The following JAK1 variants were observed in gnomAD, a reference collection of about 807,000 sequenced individuals.
The protein encoded by JAK1 is Janus kinase 1, also known as tyrosine-protein kinase JAK1.
In JAK1, 16 loss-of-function variants were observed where a neutral mutation model predicts 136.6. The observed-to-expected ratio is 0.12, with a 90% CI of 0.08 to 0.18. The LOEUF (loss-of-function observed/expected upper bound fraction) is 0.18, where lower values mean the gene tolerates loss of function less well. Ranked by LOEUF, JAK1 falls within the 10% of genes least tolerant of loss-of-function variation. JAK1 has a pLI of 1.00. For missense variants in JAK1, 859 were observed against 1,450.1 expected (o/e 0.59, Z 6.62); for synonymous variants, 492 against 519.5 (o/e 0.95, Z 0.72).
chr1:64,933,179 G>A (rs977183997), intron 1 of JAK1, among the ~76,000 whole-genome samples: 4 of 152,148 alleles, frequency 2.6e-5, no homozygotes, highest in African/African-American at 9.7e-5. Context: ...ATTTACAGAT[G>A]AGCAAAACAA....
chr1:64,856,123 C>G (rs1024692830), intron 10 of JAK1, among the ~76,000 whole-genome samples: 1 of 152,218 alleles, frequency 6.6e-6, no homozygotes, highest in Non-Finnish European at 1.5e-5. Context: ...GATGGCACAA[C>G]TTCTCAAGGA....
In JAK1 at chr1:64,914,625, G is replaced by T. The variant is rs189970694; in HGVS notation, c.-77-28284C>A. Among the ~76,000 whole-genome samples, 37 of 152,264 alleles carry T rather than the reference G, an allele frequency of 2.4e-4. No individual in the cohort carries two copies. In the East Asian group the frequency reaches 5.2e-3, roughly 21 times the overall value. Reference sequence around the variant, plus strand: ...GTCACCCAGGCTGGAGCGCAGTGGCGTGATCTCAGCTCACTGCAACCTCTG... The same window carrying T: ...GTCACCCAGGCTGGAGCGCAGTGGCTTGATCTCAGCTCACTGCAACCTCTG... On this transcript the variant is annotated intron_variant, in intron 1 of 24. Transcript: ENST00000342505.
At chr1:65,033,316 T>C (rs1374651748) in intron 2 of JAK1, among the ~76,000 whole-genome samples, 1 of 152,116 alleles carries the variant, frequency 6.6e-6, no homozygotes, top group Non-Finnish European at 1.5e-5. Context: ...AACATAATAA[T>C]AAAATAATAA....
intron 1 of JAK1, among the ~76,000 whole-genome samples, chr1:64,904,033 A>C (rs1352009554): frequency 6.6e-6 from 1 of 152,232 alleles, no homozygotes; most frequent in Non-Finnish European, 1.5e-5. Flanking sequence ...TCTAACAGGT[A>C]TATATTTGTT....
intron 4 of JAK1, among the ~76,000 whole-genome samples, 187 bp downstream of exon 4, chr1:64,878,838 G>A (rs979537154): frequency 6.6e-6 from 1 of 152,092 alleles, no homozygotes; most frequent in African/African-American, 2.4e-5. Flanking sequence ...AGAGGAAGGT[G>A]ATCAAACTCA....
chr1:64,973,135 AAGAGAAAGAAAG>A (rs1279762174), intron 2 of JAK1: 1 of 151,512 alleles, frequency 6.6e-6, no homozygotes, highest in Non-Finnish European at 1.5e-5. Flanking sequence ...AAGAAAGAAA[AAGAGAAAGAAAG>A]AAAGAAAGGA....
intron 1 of JAK1, among the ~76,000 whole-genome samples, chr1:64,889,394 A>G (rs1410629062): frequency 1.3e-5 from 2 of 152,180 alleles, no homozygotes; most frequent in Non-Finnish European, 2.9e-5. Context: ...ATAGCAGTGA[A>G]TTCTTCCACC....
intron 2 of JAK1, among the ~76,000 whole-genome samples, chr1:65,010,705 G>A (rs1646841201): frequency 6.6e-6 from 1 of 152,190 alleles, no homozygotes; most frequent in Non-Finnish European, 1.5e-5. Context: ...AGGTGGCCAG[G>A]CATGGTGGCT....
At chr1:64,910,826 A>G in intron 1 of JAK1, among the ~76,000 whole-genome samples, 1 of 148,544 alleles carries the variant, frequency 6.7e-6, no homozygotes, top group South Asian at 2.1e-4. Context: ...CCTGGATGAC[A>G]AAGCAAGACT....
chr1:64,858,540 C>T (rs1262233320), intron 9 of JAK1, among the ~76,000 whole-genome samples: 2 of 152,170 alleles, frequency 1.3e-5, no homozygotes, highest in African/African-American at 2.4e-5. Flanking sequence ...GATTTGAATG[C>T]CACCTACTCT....
chr1:64,910,813 C>T (rs149030731), intron 1 of JAK1, among the ~76,000 whole-genome samples: 29 of 141,536 alleles, frequency 2.0e-4, no homozygotes, highest in African/African-American at 7.4e-4. Context: ...CACTGCACTC[C>T]AGCCTGGATG....
In JAK1 at chr1:64,984,775, T is replaced by TAATG. The variant is rs1646582155; in HGVS notation, c.-78+59701_-78+59704dup. On this transcript the variant is annotated intron_variant, in intron 2 of 25. Coordinates refer to the JAK1 transcript ENST00000671954. This position sits in a 1 kb window ranked among gnomAD's most constrained non-coding sequence, Gnocchi z 4.1. ...TTGAAGAAGGTAAAGATCAAGAAGG[T>TAATG]AATGAGGAAGTCGGTGAAGATAATA... 1 of 1,009,124 alleles carries TAATG rather than the reference T, an allele frequency of 9.9e-7. No individual in the cohort carries two copies. Among genetic ancestry groups the TAATG allele is most frequent in the African/African-American group, 1.6e-5 (1 of 62,130 alleles). The allele number at this position is 1,009,124 out of a possible 1,614,324, so 62.5% of individuals were successfully genotyped here. A position where few individuals can be genotyped will look rare whatever the true frequency, so the allele number is the denominator to read the frequency against.
intron 2 of JAK1, chr1:64,991,443 T>A (rs1300882450): frequency 2.0e-5 from 3 of 152,242 alleles, no homozygotes; most frequent in Non-Finnish European, 4.4e-5. Flanking sequence ...ATATTTCTTC[T>A]TCTTATACAG....
At chr1:64,899,838 A>G (rs1176388051) in intron 1 of JAK1, among the ~76,000 whole-genome samples, 3 of 152,232 alleles carry the variant, frequency 2.0e-5, no homozygotes, top group Non-Finnish European at 4.4e-5. Context: ...GAATCTTACA[A>G]TATGGTAATG....
intron 1 of JAK1, among the ~76,000 whole-genome samples, chr1:64,921,031 G>A (rs1453406985): frequency 6.6e-6 from 1 of 152,148 alleles, no homozygotes; most frequent in African/African-American, 2.4e-5. Context: ...CTTTTAACCT[G>A]AAAACTGCTA....
chr1:64,934,223 T>C (rs1318219072), intron 1 of JAK1, among the ~76,000 whole-genome samples: 1 of 152,194 alleles, frequency 6.6e-6, no homozygotes, highest in Non-Finnish European at 1.5e-5. Context: ...GAGACATCTC[T>C]CAAATGACCT....
At chr1:64,870,018 AC>A (rs144665643) in intron 5 of JAK1, among the ~76,000 whole-genome samples, 3 of 151,604 alleles carry the variant, frequency 2.0e-5, no homozygotes, top group African/African-American at 4.9e-5. Context: ...ACCAAAATAT[AC>A]CCCCCCACTG....
chr1:65,053,368 C>T (rs948778891), intron 1 of JAK1, among the ~76,000 whole-genome samples: 1 of 152,002 alleles, frequency 6.6e-6, no homozygotes, highest in Non-Finnish European at 1.5e-5. Flanking sequence ...AAACAAAAAA[C>T]GATGACTGGT....
At chr1:64,890,654 C>A (rs1245945332) in intron 1 of JAK1, among the ~76,000 whole-genome samples, 1 of 152,162 alleles carries the variant, frequency 6.6e-6, no homozygotes, top group Non-Finnish European at 1.5e-5. Flanking sequence ...TCATCAAGTA[C>A]CTACAATGCC....
Sources: allele counts gnomAD v4.1 joint callset (sites outside exome capture counted in the v4.1 genomes callset), GRCh38; gene constraint gnomAD v4.1.1; non-coding constraint Gnocchi (gnomAD v3.1); transcripts MANE v1.5; gene names NCBI Gene and HGNC (gene_info 2026-07-23, HGNC 2026-07-21).